Variants in AGO4 observed in about 807,000 individuals in gnomAD.
The protein encoded by AGO4 is argonaute RISC component 4, also known as protein argonaute-4.
A neutral mutation model predicts 104.7 loss-of-function variants in AGO4; 33 were observed. The observed-to-expected ratio is 0.32, with a 90% CI of 0.24 to 0.42. AGO4 has a LOEUF of 0.42. AGO4 is among the 10% of genes least tolerant of loss of function. The probability of loss-of-function intolerance (pLI) is 1.00; values close to 1 mark genes in which losing one functional copy is unlikely to be tolerated. For synonymous variants in AGO4, 331 were observed against 364.7 expected, an observed-to-expected ratio of 0.91 and a Z score of 1.05; for missense variants, 711 against 1,083.4, an observed-to-expected ratio of 0.66 and a Z score of 4.83.
chr1:35,814,520 T>C (rs1643626658), intron 1 of AGO4, among the ~76,000 whole-genome samples: 1 of 149,690 alleles, frequency 6.7e-6, no homozygotes, highest in African/African-American at 2.5e-5. Context: ...GTGTTCTCAT[T>C]GTTCAATTCC....
chr1:35,813,588 A>T (rs1279516558), intron 1 of AGO4, among the ~76,000 whole-genome samples: 1 of 151,396 alleles, frequency 6.6e-6, no homozygotes, highest in Non-Finnish European at 1.5e-5. Context: ...AAAACCCCAA[A>T]CCTCGTCTCT....
At chr1:35,838,102 C>T (rs191318663) in intron 13 of AGO4, among the ~76,000 whole-genome samples, 33 of 151,940 alleles carry the variant, frequency 2.2e-4, no homozygotes, top group African/African-American at 7.5e-4. Flanking sequence ...ACCCAGGCTG[C>T]AGTACAGTGA....
rs763471127 is a variant in AGO4 at position 35,853,500 on chromosome 1, G to A, written c.2481G>A (p.Ala827=). 4.7e-5 allele frequency: 76 copies of A among 1,610,858 alleles called. No individual in the cohort carries two copies. The highest frequency in any genetic ancestry group is 4.7e-4 in the East Asian group (21 of 44,776). The change falls in exon 18 of 18, where the codon GCG becomes GCA. Residue 827 remains alanine (A), a synonymous_variant. Coordinates refer to ENST00000373210, the MANE Select transcript of AGO4 (RefSeq NM_017629.4). ...TTTTGTTTTATTCTCTTTACAGTGC[G>A]GAAGGCAGTCATGTGTCAGGACAGA... ...YHLVDKDHDS[A]EGSHVSGQSN...
In AGO4 at chr1:35,814,251, TATAAC is replaced by T. The variant is rs571186983; in HGVS notation, c.20-2628_20-2624del. Among the ~76,000 whole-genome samples the T allele has an allele frequency of 1.2e-4, 18 of 152,340 alleles. No homozygotes were observed. In the South Asian group the frequency reaches 2.3e-3, roughly 19 times the overall value. On this transcript the variant is annotated intron_variant, in intron 1 of 17. Coordinates refer to ENST00000373210, the MANE Select transcript of AGO4 (RefSeq NM_017629.4). ...TTCAGTTCAACATTTATTGAATTCT[TATAAC>T]ATGATGGCTGTTGCATTAGATATTG...
At chr1:35,816,202 T>G (rs991582896) in intron 1 of AGO4, among the ~76,000 whole-genome samples, 1 of 152,222 alleles carries the variant, frequency 6.6e-6, no homozygotes, top group African/African-American at 2.4e-5. Flanking sequence ...TTTCCAACTC[T>G]GGGGATGGTG....
chr1:35,817,331 A>G (rs1212150953), intron 2 of AGO4, among the ~76,000 whole-genome samples: 1 of 152,160 alleles, frequency 6.6e-6, no homozygotes, highest in Non-Finnish European at 1.5e-5. Flanking sequence ...ATAGGTGAAG[A>G]CATTAGTGTC....
chr1:35,841,022 C>T lies in AGO4; in HGVS notation c.1725-143C>T. 1.2e-6 allele frequency: 1 copy of T among 802,954 alleles called. No individual in the cohort carries two copies. Among genetic ancestry groups the T allele is most frequent in the African/African-American group, 1.7e-5 (1 of 57,734 alleles). 49.7% of individuals were successfully genotyped at this position (802,954 alleles called of 1,614,324 possible). ...CTGGGTGACATCAATATTCAGTGGT[C>T]CGTAGTGTTCTTTCCCAATGGGCTT... is the stretch of plus-strand genomic sequence containing the variant. On this transcript the variant is annotated intron_variant, in intron 13 of 17. Transcript: ENST00000373210. This position sits in a 1 kb window ranked among gnomAD's most constrained non-coding sequence, Gnocchi z 4.7.
intron 4 of AGO4, 41 bp downstream of exon 4, chr1:35,825,535 CT>C (rs1557558782): frequency 1.3e-6 from 2 of 1,591,328 alleles, no homozygotes; most frequent in Non-Finnish European, 8.6e-7. Context: ...AAATGTCAGA[CT>C]TTTTTGGTAG....
chr1:35,837,473 G>A (rs1229563034), intron 13 of AGO4, among the ~76,000 whole-genome samples: 3 of 151,746 alleles, frequency 2.0e-5, no homozygotes, highest in Non-Finnish European at 2.9e-5. Context: ...CAAACTCCTG[G>A]CCTTCAACTG....
chr1:35,824,055 A>G (rs1038375098), intron 3 of AGO4, among the ~76,000 whole-genome samples: 2 of 152,254 alleles, frequency 1.3e-5, no homozygotes, highest in Non-Finnish European at 2.9e-5. Context: ...GAATCTGAAC[A>G]ACAGAGTTTT....
intron 2 of AGO4, among the ~76,000 whole-genome samples, chr1:35,822,044 G>A (rs1279385538): frequency 6.6e-6 from 1 of 151,856 alleles, no homozygotes; most frequent in African/African-American, 2.4e-5. Flanking sequence ...GCCTGACTAA[G>A]TTTTCTATTT....
At chr1:35,833,835 T>A (rs998809774) in intron 11 of AGO4, among the ~76,000 whole-genome samples, 155 bp from the exon 12 acceptor site, 4 of 152,244 alleles carry the variant, frequency 2.6e-5, no homozygotes, top group Non-Finnish European at 5.9e-5. Flanking sequence ...CCAGTCCATT[T>A]TTGGCAACCA....
At position 35,853,499 on chromosome 1, in the gene AGO4, C is replaced by G; in HGVS notation, c.2480C>G (p.Ala827Gly). The G allele has an allele frequency of 6.2e-7, 1 of 1,610,670 alleles. No homozygotes were observed. Among genetic ancestry groups the G allele is most frequent in the South Asian group, 1.1e-5 (1 of 90,686 alleles). ...GTTTTGTTTTATTCTCTTTACAGTG[C>G]GGAAGGCAGTCATGTGTCAGGACAG... ...YHLVDKDHDSAEGSHVSGQSN... is the reference protein window; with the variant it reads ...YHLVDKDHDSGEGSHVSGQSN... Residue 827 changes from alanine to glycine, a missense_variant and splice_region_variant, in exon 18 of 18, where the codon GCG becomes GGG. By Grantham distance (60) the Ala-to-Gly change is moderately conservative. This residue lies in a region of AGO4 where 401 missense variants were observed against 665.5 expected (regional missense o/e 0.60). Transcript: ENST00000373210.
chr1:35,825,018 C>T (rs142365138), intron 3 of AGO4, among the ~76,000 whole-genome samples: 1 of 152,286 alleles, frequency 6.6e-6, no homozygotes, highest in Admixed American at 6.5e-5. Context: ...CAATGTACTT[C>T]ATAGAAATAG....
At chr1:35,852,832 A>G (rs1644733515) in intron 17 of AGO4, among the ~76,000 whole-genome samples, 1 of 152,230 alleles carries the variant, frequency 6.6e-6, no homozygotes, top group Admixed American at 6.5e-5. Flanking sequence ...CAGAAAAATG[A>G]CATTTGACTG....
chr1:35,834,516 G>A (rs1644259644), intron 12 of AGO4, among the ~76,000 whole-genome samples: 1 of 152,182 alleles, frequency 6.6e-6, no homozygotes, highest in South Asian at 2.1e-4. Flanking sequence ...CATTGAGAAT[G>A]TAGTGTGATA....
In AGO4 at chr1:35,830,887, G is replaced by A. The variant is rs994359285; in HGVS notation, c.849-540G>A. 5.3e-5 allele frequency among the ~76,000 whole-genome samples: 8 copies of A among 150,746 alleles called. No homozygotes were observed. The East Asian group carries it at 1.6e-3, about 29-fold the overall frequency. The stretch of plus-strand genomic sequence containing the variant: ...CTCGGGAGCCTGAGGCAGGAGAACC[G>A]CTTGAACCCGGGAGATGGAGATTGC... On this transcript the variant is annotated intron_variant, in intron 7 of 17. Coordinates refer to ENST00000373210, the MANE Select transcript of AGO4 (RefSeq NM_017629.4).
intron 1 of AGO4, among the ~76,000 whole-genome samples, chr1:35,809,739 T>G (rs1643437383): frequency 1.3e-5 from 2 of 152,198 alleles, no homozygotes; most frequent in South Asian, 4.1e-4. Flanking sequence ...CTGGGAAAAT[T>G]ACTCAATTCC....
chr1:35,820,480 C>T (rs1643868743), intron 2 of AGO4, among the ~76,000 whole-genome samples: 1 of 152,048 alleles, frequency 6.6e-6, no homozygotes, highest in African/African-American at 2.4e-5. Flanking sequence ...GCCTCAGCCT[C>T]CCGAGTAGCT....
Sources: gnomAD v4.1 joint callset for allele counts (sites outside exome capture counted in the v4.1 genomes callset) on GRCh38, gnomAD v4.1.1 for gene constraint, gnomAD v4.1.1 regional missense constraint, Gnocchi (gnomAD v3.1) non-coding constraint, MANE v1.5 for transcripts, NCBI Gene and HGNC (gene_info 2026-07-23, HGNC 2026-07-21) for gene names.